The following RARB variants were observed in gnomAD, a reference collection of about 807,000 sequenced individuals.
RARB encodes HBV-activated protein.
A neutral mutation model predicts 51.9 loss-of-function variants in RARB; 17 were observed. The observed-to-expected ratio is 0.33, with a 90% CI of 0.22 to 0.49. The LOEUF is 0.49. Among genes scored for constraint, RARB ranks in the 20% least tolerant of loss-of-function variants. The pLI is 0.99. For missense variants in RARB, 369 were observed against 550.8 expected, an observed-to-expected ratio of 0.67 and a Z score of 3.30; for synonymous variants, 215 against 195.4, an observed-to-expected ratio of 1.10 and a Z score of -0.84.
intron 5 of RARB, among the ~76,000 whole-genome samples, chr3:25,230,202 A>G (rs1190003513): frequency 6.6e-6 from 1 of 152,102 alleles, no homozygotes; most frequent in African/African-American, 2.4e-5. Context: ...GAATGATTTT[A>G]TAATGATTAA....
At chr3:25,342,152 C>T (rs1329757795) in intron 5 of RARB, among the ~76,000 whole-genome samples, 1 of 152,170 alleles carries the variant, frequency 6.6e-6, no homozygotes, top group African/African-American at 2.4e-5. Context: ...AGTTGTTAAG[C>T]AGACTGCAGT....
rs1308448016 is a variant in RARB at position 25,461,324 on chromosome 3, G to A, written c.289G>A (p.Ala97Thr). 5 of 1,613,852 alleles carry A rather than the reference G, an allele frequency of 3.1e-6. No homozygotes were observed. Among genetic ancestry groups the A allele is most frequent in the Non-Finnish European group, 4.2e-6 (5 of 1,179,926 alleles). ...KSSGYHYGVS[A>T]CEGCKGFFRR... ...ATCAGGGTACCACTATGGGGTCAGC[G>A]CCTGTGAGGGATGTAAGGTGAGTAT... The change falls in exon 2 of 8, where the codon GCC (alanine) becomes ACC (threonine). Residue 97 changes from alanine (A) to threonine (T), a missense_variant. Around this residue, in one of 9 missense-constraint regions of RARB, gnomAD observed 10 missense variants for 34.0 expected, o/e 0.29. Coordinates refer to ENST00000330688, the MANE Select transcript of RARB (RefSeq NM_000965.5).
intron 2 of RARB, among the ~76,000 whole-genome samples, chr3:24,955,845 C>G (rs1575090116): frequency 6.6e-6 from 1 of 152,146 alleles, no homozygotes; most frequent in East Asian, 1.9e-4. Context: ...TTATGTAGAT[C>G]AAGCCCCCTG....
At chr3:25,298,308 A>G (rs1045202927) in intron 5 of RARB, among the ~76,000 whole-genome samples, 1 of 151,476 alleles carries the variant, frequency 6.6e-6, no homozygotes, top group African/African-American at 2.4e-5. Context: ...TCAGCCTCCT[A>G]AGTAGCTGGG....
intron 5 of RARB, among the ~76,000 whole-genome samples, chr3:25,358,688 AG>A (rs1406274085): frequency 2.0e-5 from 3 of 152,182 alleles, no homozygotes; most frequent in Non-Finnish European, 4.4e-5. Flanking sequence ...ATTAGCATGA[AG>A]GGTTGTTGAA....
chr3:25,394,784 G>T (rs1471071859), intron 5 of RARB, among the ~76,000 whole-genome samples: 1 of 152,046 alleles, frequency 6.6e-6, no homozygotes, highest in Non-Finnish European at 1.5e-5. Context: ...TTAAGTTTAT[G>T]TGAGTCTTTA....
chr3:25,307,951 T>TAG (rs1704192816), intron 5 of RARB, among the ~76,000 whole-genome samples: 1 of 152,240 alleles, frequency 6.6e-6, no homozygotes, highest in Admixed American at 6.5e-5. Flanking sequence ...GTCGTTGGAA[T>TAG]AGAGACCATA....
At chr3:25,299,949 G>A (rs1423589610) in intron 5 of RARB, among the ~76,000 whole-genome samples, 2 of 152,164 alleles carry the variant, frequency 1.3e-5, no homozygotes, top group South Asian at 2.1e-4. Flanking sequence ...TAATTGCCAG[G>A]CAGTATAATT....
intron 5 of RARB, among the ~76,000 whole-genome samples, chr3:25,309,139 T>TC (rs1704223898): frequency 7.5e-6 from 1 of 133,314 alleles, no homozygotes; most frequent in African/African-American, 2.9e-5. Context: ...ATTTTTTTTT[T>TC]TTTTTTTTTT....
chr3:25,556,655 C>G (rs1700070898), intron 3 of RARB, among the ~76,000 whole-genome samples: 1 of 152,134 alleles, frequency 6.6e-6, no homozygotes, highest in African/African-American at 2.4e-5. Flanking sequence ...TCATGTGCAA[C>G]TTGGGAAGTA....
At chr3:25,058,282 A>G (rs1357995909) in intron 2 of RARB, among the ~76,000 whole-genome samples, 1 of 151,878 alleles carries the variant, frequency 6.6e-6, no homozygotes, top group South Asian at 2.1e-4. Flanking sequence ...CTGGATGTTG[A>G]TATAGTATGC....
intron 3 of RARB, among the ~76,000 whole-genome samples, chr3:25,129,533 T>G (rs1699912342): frequency 6.6e-6 from 1 of 152,122 alleles, no homozygotes; most frequent in Admixed American, 6.6e-5. Context: ...TTAAACTTAC[T>G]TTCACTTTAA....
chr3:25,336,355 A>G (rs1416899971), intron 5 of RARB, among the ~76,000 whole-genome samples: 2 of 152,238 alleles, frequency 1.3e-5, no homozygotes, highest in Non-Finnish European at 2.9e-5. Context: ...TAAATTCCAC[A>G]GATAACTTCA....
chr3:25,460,323 AT>A (rs1380047356), intron 1 of RARB, among the ~76,000 whole-genome samples: 4 of 152,158 alleles, frequency 2.6e-5, no homozygotes, highest in Non-Finnish European at 5.9e-5. Flanking sequence ...ATTGTTATTA[AT>A]GAAGATCAGT....
intron 5 of RARB, among the ~76,000 whole-genome samples, chr3:25,587,581 C>T (rs369958613): frequency 6.6e-6 from 1 of 152,144 alleles, no homozygotes; most frequent in African/African-American, 2.4e-5. Flanking sequence ...GTAACGGTAA[C>T]AAGGAACTCC....
chr3:24,944,673 T>C (rs1449047779), intron 2 of RARB, among the ~76,000 whole-genome samples: 1 of 152,216 alleles, frequency 6.6e-6, no homozygotes, highest in East Asian at 1.9e-4. Flanking sequence ...TCTCTATATA[T>C]TCTTGAGGAC....
At chr3:25,530,179 A>T (rs2125642497) in intron 3 of RARB, among the ~76,000 whole-genome samples, 1 of 152,326 alleles carries the variant, frequency 6.6e-6, no homozygotes, top group South Asian at 2.1e-4. Context: ...ACATCATAGG[A>T]GTTCAGAAGG....
intron 3 of RARB, among the ~76,000 whole-genome samples, chr3:25,115,685 C>G (rs1051822818): frequency 6.7e-6 from 1 of 148,928 alleles, no homozygotes; most frequent in Non-Finnish European, 1.5e-5. Flanking sequence ...TCTTTCCTTT[C>G]AAGTCTCACT....
intron 3 of RARB, among the ~76,000 whole-genome samples, chr3:25,104,816 A>G (rs1341544540): frequency 6.6e-6 from 1 of 152,252 alleles, no homozygotes; most frequent in Admixed American, 6.5e-5. Context: ...AATATGAATG[A>G]ATCCCACATG....
Sources: gnomAD v4.1 joint callset for allele counts (sites outside exome capture counted in the v4.1 genomes callset) on GRCh38, gnomAD v4.1.1 for gene constraint, gnomAD v4.1.1 regional missense constraint, MANE v1.5 for transcripts, NCBI Gene and HGNC (gene_info 2026-07-23, HGNC 2026-07-21) for gene names.